Variants in PTPRD observed in about 807,000 individuals in gnomAD.
The protein encoded by PTPRD is protein tyrosine phosphatase receptor type D.
Under a neutral mutation model 214.5 loss-of-function variants are expected in PTPRD, and 34 were observed. The ratio of observed to expected loss-of-function variants is 0.16; its 90% CI spans 0.12 to 0.21. The LOEUF (loss-of-function observed/expected upper bound fraction) is 0.21, where lower values mean the gene tolerates loss of function less well. PTPRD is among the 10% of genes least tolerant of loss of function. The pLI, the probability that PTPRD is intolerant of heterozygous loss-of-function variation, is 1.00. For synonymous variants in PTPRD, 1,128 were observed against 845.7 expected, an observed-to-expected ratio of 1.33 and a Z score of -5.79; for missense variants, 2,545 against 2,398.7, an observed-to-expected ratio of 1.06 and a Z score of -1.27.
chr9:10,353,645 T>C (rs536585714), intron 2 of PTPRD, among the ~76,000 whole-genome samples: 3 of 152,052 alleles, frequency 2.0e-5, no homozygotes, highest in East Asian at 3.9e-4. Flanking sequence ...AGAGTCAAAA[T>C]AATCTTACAC....
chr9:9,321,748 T>G (rs1369715851), intron 9 of PTPRD, among the ~76,000 whole-genome samples: 6 of 152,190 alleles, frequency 3.9e-5, no homozygotes, highest in African/African-American at 1.4e-4. Flanking sequence ...TCTATCTTGA[T>G]TTCTACATTT....
chr9:10,447,577 T>C (rs902660228), intron 2 of PTPRD, among the ~76,000 whole-genome samples: 21 of 152,004 alleles, frequency 1.4e-4, no homozygotes, highest in African/African-American at 4.6e-4. Flanking sequence ...TTTTAGAGCA[T>C]TGAAAAACAA....
At chr9:9,894,171 A>G (rs972084490) in intron 5 of PTPRD, among the ~76,000 whole-genome samples, 1 of 152,006 alleles carries the variant, frequency 6.6e-6, no homozygotes, top group African/African-American at 2.4e-5. Context: ...GATAATATCT[A>G]TCATTTCTCC....
At chr9:9,067,130 T>C (rs2099735888) in intron 10 of PTPRD, among the ~76,000 whole-genome samples, 1 of 152,130 alleles carries the variant, frequency 6.6e-6, no homozygotes, top group African/African-American at 2.4e-5. Context: ...GTAATTCTGG[T>C]TACTCAGGAG....
intron 3 of PTPRD, among the ~76,000 whole-genome samples, chr9:10,294,370 T>A (rs983466736): frequency 1.3e-5 from 2 of 151,712 alleles, no homozygotes; most frequent in Non-Finnish European, 2.9e-5. Flanking sequence ...GGGAAAAGAG[T>A]CACATTATTG....
At chr9:8,498,840 T>A (rs1288555234) in intron 25 of PTPRD, among the ~76,000 whole-genome samples, 1 of 152,158 alleles carries the variant, frequency 6.6e-6, no homozygotes, top group Non-Finnish European at 1.5e-5. Context: ...CAGGAAAATA[T>A]GTAAAACTCA....
chr9:10,474,950 C>A (rs1025027365), intron 2 of PTPRD, among the ~76,000 whole-genome samples: 1 of 152,084 alleles, frequency 6.6e-6, no homozygotes, highest in Non-Finnish European at 1.5e-5. Flanking sequence ...AACAAAGAGA[C>A]AACGTACCAG....
chr9:8,946,759 A>G (rs1376908936), intron 11 of PTPRD, among the ~76,000 whole-genome samples: 2 of 152,180 alleles, frequency 1.3e-5, no homozygotes, highest in Non-Finnish European at 2.9e-5. Flanking sequence ...GGAAAGTATC[A>G]TGCAGGGTCT....
chr9:10,433,283 T>C (rs893117154), intron 2 of PTPRD, among the ~76,000 whole-genome samples: 3 of 151,974 alleles, frequency 2.0e-5, no homozygotes, highest in African/African-American at 7.2e-5. Flanking sequence ...TTCATTAATA[T>C]AAAAATATAT....
intron 7 of PTPRD, among the ~76,000 whole-genome samples, chr9:9,698,658 G>C (rs116717811): frequency 6.6e-6 from 1 of 152,060 alleles, no homozygotes; most frequent in Non-Finnish European, 1.5e-5. Flanking sequence ...CTGCCTTCAC[G>C]CCCTCCCAAT....
In PTPRD at chr9:9,485,499, G is replaced by A. The variant is rs1374132023; in HGVS notation, c.-236-88017C>T. ...TCAATCTTTCTTCTCTGAAGTTCCA[G>A]TTTTTAGTGTATGTTTATATAATAT... On this transcript the variant is annotated intron_variant, in intron 8 of 45. Coordinates refer to ENST00000381196, the MANE Select transcript of PTPRD (RefSeq NM_002839.4). Among the ~76,000 whole-genome samples, 8 of 152,182 alleles carry A rather than the reference G, an allele frequency of 5.3e-5. No individual in the cohort carries two copies. The East Asian group carries it at 1.5e-3, about 29-fold the overall frequency.
chr9:8,508,021 A>T (rs1237266624), intron 21 of PTPRD, among the ~76,000 whole-genome samples: 1 of 152,142 alleles, frequency 6.6e-6, no homozygotes, highest in Non-Finnish European at 1.5e-5. Flanking sequence ...AAACTCTATC[A>T]CTTACAAATA....
At chr9:9,163,607 G>A (rs2099895061) in intron 10 of PTPRD, among the ~76,000 whole-genome samples, 1 of 150,452 alleles carries the variant, frequency 6.6e-6, no homozygotes, top group Admixed American at 6.7e-5. Context: ...GTAATCTATT[G>A]TCTACAGTGC....
chr9:8,857,504 C>T (rs573508396), intron 11 of PTPRD: 7 of 152,360 alleles, frequency 4.6e-5, no homozygotes, highest in South Asian at 2.1e-4. Context: ...TGCCCGGGCG[C>T]CGGGCTCGCG....
At chr9:9,840,801 A>G (rs1555200375) in intron 5 of PTPRD, among the ~76,000 whole-genome samples, 3 of 112,226 alleles carry the variant, frequency 2.7e-5, no homozygotes, top group Non-Finnish European at 5.4e-5. Context: ...AAAAAAAAAC[A>G]GAAAGGGGAA....
intron 10 of PTPRD, among the ~76,000 whole-genome samples, chr9:9,100,536 G>C (rs552161474): frequency 6.6e-6 from 1 of 152,080 alleles, no homozygotes; most frequent in Non-Finnish European, 1.5e-5. Flanking sequence ...GTATGATCAG[G>C]TAGACAGAAC....
At position 9,915,198 on chromosome 9, in the gene PTPRD, C is replaced by G. The variant is rs1304702486; in HGVS notation, c.-368+23309G>C. ...TAGAATGAAGGCCCACACACCCTAC[C>G]AAACTGACAGCCCAAGACCCATTCG... is the stretch of plus-strand genomic sequence containing the variant. On this transcript the variant is annotated intron_variant, in intron 5 of 45. Coordinates refer to ENST00000381196, the MANE Select transcript of PTPRD (RefSeq NM_002839.4). Among the ~76,000 whole-genome samples the G allele has an allele frequency of 3.3e-5, 5 of 152,246 alleles. No individual in the cohort carries two copies. The South Asian group carries it at 8.3e-4, about 25-fold the overall frequency.
intron 3 of PTPRD, among the ~76,000 whole-genome samples, chr9:10,132,045 A>G (rs2098893951): frequency 6.6e-6 from 1 of 152,188 alleles, no homozygotes; most frequent in Admixed American, 6.6e-5. Context: ...AAAGTAGACA[A>G]TGATATAGAG....
chr9:9,080,229 G>A (rs1332706302), intron 10 of PTPRD, among the ~76,000 whole-genome samples: 1 of 151,962 alleles, frequency 6.6e-6, no homozygotes, highest in Non-Finnish European at 1.5e-5. Flanking sequence ...GTTTACACAT[G>A]GTGTAAGAGA....
Sources: gnomAD v4.1 joint callset for allele counts (sites outside exome capture counted in the v4.1 genomes callset) on GRCh38, gnomAD v4.1.1 for gene constraint, MANE v1.5 for transcripts, NCBI Gene and HGNC (gene_info 2026-07-23, HGNC 2026-07-21) for gene names.